ANXA13: variants seen among roughly 807,000 people sequenced by gnomAD.
ANXA13 encodes annexin XIII.
A neutral mutation model predicts 46.6 loss-of-function variants in ANXA13; 36 were observed. The ratio of observed to expected loss-of-function variants is 0.77; its 90% confidence interval spans 0.59 to 1.02. The LOEUF is 1.02. Among genes scored for constraint, ANXA13 ranks in the 50% least tolerant of loss-of-function variants. The pLI, the probability that ANXA13 is intolerant of heterozygous loss-of-function variation, is 0.00. For missense variants in ANXA13, 417 were observed against 396.5 expected, an observed-to-expected ratio of 1.05 and a Z score of -0.44; for synonymous variants, 163 against 152.9, an observed-to-expected ratio of 1.07 and a Z score of -0.49.
intron 1 of ANXA13, among the ~76,000 whole-genome samples, chr8:123,718,024 C>G (rs183202310): frequency 3.2e-4 from 49 of 152,358 alleles, no homozygotes; most frequent in African/African-American, 1.1e-3. Flanking sequence ...TGTTGAAACT[C>G]CCTGCGATTC....
intron 2 of ANXA13, 50 bp from the exon 3 acceptor site, chr8:123,702,786 G>A (rs1221990762): frequency 6.5e-7 from 1 of 1,547,922 alleles, no homozygotes; most frequent in East Asian, 2.2e-5. Context: ...GAAACAAGGT[G>A]GAAGTTTATT....
chr8:123,710,057 C>T (rs989072851), intron 2 of ANXA13, among the ~76,000 whole-genome samples: 10 of 152,134 alleles, frequency 6.6e-5, no homozygotes, highest in African/African-American at 2.4e-4. Flanking sequence ...CTGCGCCCAG[C>T]CAAGTTTCTT....
At chr8:123,729,131 C>G (rs143016230) in intron 1 of ANXA13, 147 of 152,230 alleles carry the variant, frequency 9.7e-4, no homozygotes, top group African/African-American at 3.2e-3. Context: ...ATGACCCAAG[C>G]CAACTGGAAT....
intron 3 of ANXA13, 146 bp from the exon 4 acceptor site, chr8:123,698,705 C>T: frequency 1.2e-6 from 1 of 820,758 alleles, no homozygotes; most frequent in Non-Finnish European, 1.9e-6. Context: ...TGAGAACATG[C>T]AACCTGCTCT....
intron 1 of ANXA13, chr8:123,735,665 T>G (rs1586347021): frequency 2.2e-6 from 3 of 1,390,390 alleles, no homozygotes; most frequent in African/African-American, 1.5e-5. Flanking sequence ...TGGTGGAGGG[T>G]CCAACATGAC....
chr8:123,732,782 A>G (rs1334750499), intron 1 of ANXA13, among the ~76,000 whole-genome samples: 6 of 152,126 alleles, frequency 3.9e-5, no homozygotes, highest in African/African-American at 1.2e-4. Flanking sequence ...TGAAGAAGGT[A>G]TGCATTGGTG....
intron 2 of ANXA13, among the ~76,000 whole-genome samples, chr8:123,707,533 A>G (rs1324193463): frequency 2.0e-5 from 3 of 152,222 alleles, no homozygotes; most frequent in Non-Finnish European, 2.9e-5. Context: ...GAATGAGTTC[A>G]TGTCCTTTGC....
chr8:123,728,072 G>T (rs1359159127), intron 1 of ANXA13: 1 of 152,192 alleles, frequency 6.6e-6, no homozygotes, highest in African/African-American at 2.4e-5. Context: ...GCCTATACCG[G>T]CAGGGCAACG....
At chr8:123,721,147 A>G (rs1015456040) in intron 1 of ANXA13, among the ~76,000 whole-genome samples, 1 of 152,030 alleles carries the variant, frequency 6.6e-6, no homozygotes, top group African/African-American at 2.4e-5. Context: ...CCCTTATTTC[A>G]CTTAGCATAA....
chr8:123,697,600 C>G (rs151121509), intron 4 of ANXA13, among the ~76,000 whole-genome samples: 1 of 152,312 alleles, frequency 6.6e-6, no homozygotes, highest in Non-Finnish European at 1.5e-5. Flanking sequence ...TGCATTTTGC[C>G]TGCTGTCTGC....
At chr8:123,713,232 T>C (rs1244691530) in intron 1 of ANXA13, among the ~76,000 whole-genome samples, 2 of 152,126 alleles carry the variant, frequency 1.3e-5, no homozygotes, top group Non-Finnish European at 2.9e-5. Flanking sequence ...GAGATACATA[T>C]TTGGTTTGTT....
rs547378568 is a variant in ANXA13, at chr8:123,713,338, A to G, written c.16-585T>C. Among the ~76,000 whole-genome samples the G allele has an allele frequency of 4.9e-4, 74 of 152,354 alleles. 1 individual carries two copies. In the South Asian group the frequency reaches 0.015, roughly 31 times the overall value. On this transcript the variant is annotated intron_variant, in intron 1 of 10. Transcript: ENST00000419625. ...TATATAGTGTATTGAGCTGTTTCCC[A>G]TACTTCAGTCATTGGCACAATACAT...
intron 3 of ANXA13, among the ~76,000 whole-genome samples, chr8:123,700,156 A>T (rs1296844685): frequency 6.6e-6 from 1 of 152,258 alleles, no homozygotes; most frequent in East Asian, 1.9e-4. Flanking sequence ...GCTCCAGCCA[A>T]CACTGCATCT....
intron 1 of ANXA13, among the ~76,000 whole-genome samples, chr8:123,731,684 G>A (rs1206967033): frequency 6.6e-6 from 1 of 152,004 alleles, no homozygotes; most frequent in Non-Finnish European, 1.5e-5. Context: ...ACCAGCCTGA[G>A]CAACATAGGA....
At chr8:123,720,159 A>G (rs1813834546) in intron 1 of ANXA13, among the ~76,000 whole-genome samples, 1 of 152,194 alleles carries the variant, frequency 6.6e-6, no homozygotes, top group African/African-American at 2.4e-5. Flanking sequence ...GTTGCTTAGT[A>G]TCTGGGCTGT....
chr8:123,701,374 G>A (rs2129866451), intron 3 of ANXA13, among the ~76,000 whole-genome samples: 1 of 152,254 alleles, frequency 6.6e-6, no homozygotes, highest in South Asian at 2.1e-4. Context: ...GGAGGCTGAG[G>A]CAGGAGAATC....
At chr8:123,688,705 C>T (rs1813181499) in intron 9 of ANXA13, among the ~76,000 whole-genome samples, 166 bp downstream of exon 9, 1 of 152,136 alleles carries the variant, frequency 6.6e-6, no homozygotes, top group Admixed American at 6.5e-5. Flanking sequence ...ATCAGCAACG[C>T]CCCTGTTGCA....
At position 123,684,007 on chromosome 8, in the gene ANXA13, A is replaced by AT. The variant is rs1307186866; in HGVS notation, c.831+602dup. Among the ~76,000 whole-genome samples the AT allele has an allele frequency of 8.5e-5, 13 of 152,218 alleles. No homozygotes were observed. In the East Asian group the frequency reaches 2.1e-3, roughly 25 times the overall value. ...TTTTTAGGGGGTGAAAAAGCCCTTA[A>AT]TTTTTTTATGTATAAAGCACTGATA... On this transcript the variant is annotated intron_variant, in intron 10 of 10. Transcript: ENST00000419625.
chr8:123,713,462 T>C (rs762924679), intron 1 of ANXA13, among the ~76,000 whole-genome samples: 1 of 152,232 alleles, frequency 6.6e-6, no homozygotes, highest in African/African-American at 2.4e-5. Context: ...AATTGACATT[T>C]GTTTTTACTT....
Sources: gnomAD v4.1 joint callset for allele counts (sites outside exome capture counted in the v4.1 genomes callset) on GRCh38, gnomAD v4.1.1 for gene constraint, MANE v1.5 for transcripts, NCBI Gene and HGNC (gene_info 2026-07-23, HGNC 2026-07-21) for gene names.